Variants in PRKN observed in about 807,000 individuals in gnomAD.
The protein encoded by PRKN is E3 ubiquitin-protein ligase parkin.
A neutral mutation model predicts 59.5 loss-of-function variants in PRKN; 56 were observed. The ratio of observed to expected loss-of-function variants is 0.94; its 90% confidence interval spans 0.76 to 1.18. The LOEUF is 1.18. Ranked by LOEUF, PRKN falls within the 50% of genes most tolerant of loss-of-function variation. PRKN has a pLI of 0.00. For synonymous variants in PRKN, 250 were observed against 222.1 expected (o/e 1.13, Z -1.12); for missense variants, 657 against 596.4 (o/e 1.10, Z -1.06).
intron 1 of PRKN, among the ~76,000 whole-genome samples, chr6:162,640,817 G>C (rs1250237258): frequency 6.6e-6 from 1 of 152,140 alleles, no homozygotes; most frequent in African/African-American, 2.4e-5. Flanking sequence ...CTTTCCACAG[G>C]TTCTGAACTC....
At chr6:162,636,663 T>C (rs1239357494) in intron 1 of PRKN, among the ~76,000 whole-genome samples, 1 of 152,166 alleles carries the variant, frequency 6.6e-6, no homozygotes, top group East Asian at 1.9e-4. Context: ...ATTTGGTGAA[T>C]GAAACGGAAA....
chr6:162,517,371 C>T (rs560638850), intron 1 of PRKN, among the ~76,000 whole-genome samples: 126 of 151,322 alleles, frequency 8.3e-4, no homozygotes, highest in African/African-American at 2.9e-3. Context: ...CCTCAGCCGC[C>T]GGAGTAGCTG....
intron 2 of PRKN, among the ~76,000 whole-genome samples, chr6:162,380,364 A>T (rs1786364767): frequency 6.7e-6 from 1 of 149,640 alleles, no homozygotes; most frequent in Admixed American, 6.7e-5. Flanking sequence ...TTCATTTAGG[A>T]AAGGAAATGT....
chr6:162,238,058 G>T (rs1447377582), intron 3 of PRKN, among the ~76,000 whole-genome samples: 1 of 152,294 alleles, frequency 6.6e-6, no homozygotes, highest in South Asian at 2.1e-4. Flanking sequence ...TGAATGAGTT[G>T]TTAATAATTA....
At chr6:162,657,883 T>C (rs943043207) in intron 1 of PRKN, among the ~76,000 whole-genome samples, 13 of 152,170 alleles carry the variant, frequency 8.5e-5, no homozygotes, top group Non-Finnish European at 1.6e-4. Flanking sequence ...TGTTGGAGGC[T>C]TGTTTCTGCA....
At chr6:161,585,605 C>G (rs953461196) in intron 7 of PRKN, among the ~76,000 whole-genome samples, 7 of 152,170 alleles carry the variant, frequency 4.6e-5, no homozygotes, top group African/African-American at 1.7e-4. Context: ...GTAGCTCAAA[C>G]CGAATAAGAA....
At chr6:162,043,414 GA>G (rs1582945192) in intron 5 of PRKN, among the ~76,000 whole-genome samples, 1 of 152,190 alleles carries the variant, frequency 6.6e-6, no homozygotes, top group East Asian at 1.9e-4. Flanking sequence ...CTTCAGTTTT[GA>G]AAGCCAAGGA....
intron 2 of PRKN, among the ~76,000 whole-genome samples, chr6:162,311,717 T>C (rs1782527099): frequency 6.6e-6 from 1 of 152,000 alleles, no homozygotes; most frequent in South Asian, 2.1e-4. Flanking sequence ...TATTATGTCA[T>C]ATTCTTAAGA....
intron 3 of PRKN, among the ~76,000 whole-genome samples, chr6:162,232,433 C>T (rs1778462498): frequency 1.3e-5 from 2 of 152,160 alleles, no homozygotes; most frequent in South Asian, 4.1e-4. Flanking sequence ...TCATCCCCAT[C>T]TTCCTCACTA....
chr6:162,548,337 G>T (rs78272914), intron 1 of PRKN, among the ~76,000 whole-genome samples: 1 of 150,518 alleles, frequency 6.6e-6, no homozygotes, highest in East Asian at 2.0e-4. Flanking sequence ...AATTACAGGC[G>T]TGAGCCACCG....
At position 161,483,213 on chromosome 6, in the gene PRKN, C is replaced by T. The variant is rs959898111; in HGVS notation, c.1083+65641G>A. ...AAAACATGCATTGTTAATGAGACTT[C>T]GCCAGAGATGCTTAGAGTTAGGTGA... is the stretch of plus-strand genomic sequence containing the variant. On this transcript the variant is annotated intron_variant, in intron 9 of 11. Transcript: ENST00000366898. The surrounding 1 kb of genome is among the most constrained non-coding windows in gnomAD (Gnocchi z 5.0). Among the ~76,000 whole-genome samples the T allele has an allele frequency of 1.3e-5, 2 of 150,776 alleles. No homozygotes were observed. Among genetic ancestry groups the T allele is most frequent in the African/African-American group, 4.9e-5 (2 of 40,856 alleles).
rs371812366 is a variant in PRKN at position 161,883,724 on chromosome 6, G to A, written c.734+89578C>T. On this transcript the variant is annotated intron_variant, in intron 6 of 11. Coordinates refer to ENST00000366898, the MANE Select transcript of PRKN (RefSeq NM_004562.3). The stretch of plus-strand genomic sequence containing the variant: ...GAGCGCAGTGGTGAGAACTCAGCTC[G>A]CTGCTGAAACTTCCACCCCTTGGAT... Among the ~76,000 whole-genome samples, 17 of 152,008 alleles carry A rather than the reference G, an allele frequency of 1.1e-4. No homozygotes were observed. In the East Asian group the frequency reaches 1.2e-3, roughly 10 times the overall value.
At chr6:162,384,743 A>C (rs2128142005) in intron 2 of PRKN, among the ~76,000 whole-genome samples, 1 of 152,132 alleles carries the variant, frequency 6.6e-6, no homozygotes, top group South Asian at 2.1e-4. Flanking sequence ...GATACCAGCA[A>C]ATATTTATTA....
At chr6:162,364,137 A>G (rs964416745) in intron 2 of PRKN, among the ~76,000 whole-genome samples, 1 of 151,808 alleles carries the variant, frequency 6.6e-6, no homozygotes, top group South Asian at 2.1e-4. Context: ...AGAGGGGTAA[A>G]ATCAAACCCC....
rs1209147593 is a variant in PRKN, at chr6:162,466,896, T to C, written c.8-23423A>G. Reference sequence around the variant, plus strand: ...ACTAAGAGCACGTTTATGGATATATTATATACACTGGTTACCTCGTTTCAA... The same window carrying C: ...ACTAAGAGCACGTTTATGGATATATCATATACACTGGTTACCTCGTTTCAA... On this transcript the variant is annotated intron_variant, in intron 1 of 11. Coordinates refer to ENST00000366898, the MANE Select transcript of PRKN (RefSeq NM_004562.3). 3.3e-5 allele frequency among the ~76,000 whole-genome samples: 5 copies of C among 152,254 alleles called. No homozygotes were observed. The East Asian group carries it at 7.7e-4, about 24-fold the overall frequency.
intron 1 of PRKN, among the ~76,000 whole-genome samples, chr6:162,565,551 G>A (rs192982608): frequency 5.7e-4 from 87 of 152,170 alleles, no homozygotes; most frequent in Admixed American, 3.3e-3. Flanking sequence ...TTAACCAGGC[G>A]TGGTGGTGTG....
intron 4 of PRKN, among the ~76,000 whole-genome samples, chr6:162,147,481 T>A (rs1405731318): frequency 6.6e-6 from 1 of 152,090 alleles, no homozygotes; most frequent in Non-Finnish European, 1.5e-5. Context: ...TCATGACATC[T>A]GACACAGGAA....
intron 1 of PRKN, among the ~76,000 whole-genome samples, chr6:162,683,171 G>A (rs571497860): frequency 1.3e-5 from 2 of 152,232 alleles, no homozygotes; most frequent in South Asian, 2.1e-4. Context: ...ACAGTGAAGC[G>A]GGGAGGACTT....
Position 161,457,021 on chromosome 6 carries a change from G to C in PRKN, c.1084-70144C>G, listed in dbSNP as rs184080533. Among the ~76,000 whole-genome samples the C allele has an allele frequency of 1.3e-5, 2 of 152,312 alleles. No individual in the cohort carries two copies. The highest frequency in any genetic ancestry group is 4.8e-5 in the African/African-American group (2 of 41,562). On this transcript the variant is annotated intron_variant, in intron 9 of 11. Coordinates refer to ENST00000366898, the MANE Select transcript of PRKN (RefSeq NM_004562.3). This position sits in a 1 kb window ranked among gnomAD's most constrained non-coding sequence, Gnocchi z 5.0. ...AGTTCAGGACCTGGGTTTGGGCGTG[G>C]AAGGGCGGTGTGAGAGCAAGGCTGA... is the stretch of plus-strand genomic sequence containing the variant.
Sources: allele counts gnomAD v4.1 joint callset (sites outside exome capture counted in the v4.1 genomes callset), GRCh38; gene constraint gnomAD v4.1.1; non-coding constraint Gnocchi (gnomAD v3.1); transcripts MANE v1.5; gene names NCBI Gene and HGNC (gene_info 2026-07-23, HGNC 2026-07-21).